The following ZNF785 variants were observed in gnomAD, a reference collection of about 807,000 sequenced individuals.
ZNF785 encodes the protein zinc finger protein 785.
A neutral mutation model predicts 11.3 loss-of-function variants in ZNF785; 15 were observed. The ratio of observed to expected loss-of-function variants is 1.32; its 90% CI spans 0.89 to 2.04. The LOEUF is 2.04. Ranked by LOEUF, ZNF785 falls within the 30% of genes most tolerant of loss-of-function variation. ZNF785 has a pLI of 0.00. For synonymous variants in ZNF785, 221 were observed against 231.0 expected (o/e 0.96, Z 0.39); for missense variants, 572 against 560.9 (o/e 1.02, Z -0.20).
In ZNF785 at chr16:30,583,030, G is replaced by C. The variant is rs574647656; in HGVS notation, c.748C>G (p.His250Asp). The change falls in exon 3 of 3, where the codon CAC becomes GAC. Residue 250 changes from histidine to aspartate, a missense_variant. By Grantham distance (81) the His-to-Asp change is moderately conservative (BLOSUM62 -1). Coordinates refer to ENST00000395216, the MANE Select transcript of ZNF785 (RefSeq NM_152458.7). ...CACGCGTAAGGCTTCTCCCCGGTGT[G>C]AGCCCGCCTGTGGATAGCCAGGGAA... ...RGSLAIHRRAHTGEKPYACSD... is the reference protein window; with the variant it reads ...RGSLAIHRRADTGEKPYACSD... 1 of 1,613,892 alleles carries C rather than the reference G, an allele frequency of 6.2e-7. No individual in the cohort carries two copies. The highest frequency in any genetic ancestry group is 1.3e-5 in the African/African-American group (1 of 74,874).
In ZNF785 at chr16:30,585,619, C is replaced by T. The variant is rs764331057; in HGVS notation, c.-8G>A. ...CGCCAGGGGCGGCCCCATGGGAAAC[C>T]CTTTCTGCCTGGCAAAGGGAGGCTT... On this transcript the variant is annotated 5_prime_UTR_variant, in exon 1 of 3. Coordinates refer to ENST00000395216, the MANE Select transcript of ZNF785 (RefSeq NM_152458.7). This position sits in a 1 kb window ranked among gnomAD's most constrained non-coding sequence, Gnocchi z 4.0. The T allele has an allele frequency of 2.7e-6, 4 of 1,467,916 alleles. No homozygotes were observed. The highest frequency in any genetic ancestry group is 2.7e-5 in the Admixed American group (1 of 37,098). The allele number at this position is 1,467,916 out of a possible 1,614,324, so 90.9% of individuals were successfully genotyped here.
Position 30,585,608 on chromosome 16 carries a change from C to G in ZNF785, c.4G>C (p.Gly2Arg). 1.3e-6 allele frequency: 2 copies of G among 1,484,424 alleles called. No individual in the cohort carries two copies. The highest frequency in any genetic ancestry group is 1.8e-6 in the Non-Finnish European group (2 of 1,125,458). 92.0% of individuals were successfully genotyped at this position (1,484,424 alleles called of 1,614,324 possible). M[G>R]PPLAPRPAHV... ...GCCGGGCGCGGCGCCAGGGGCGGCCCCATGGGAAACCCTTTCTGCCTGGCA... is the reference window on the plus strand; with the variant it reads ...GCCGGGCGCGGCGCCAGGGGCGGCCGCATGGGAAACCCTTTCTGCCTGGCA... Residue 2 changes from glycine (G) to arginine (R), a missense_variant, in exon 1 of 3, where the codon GGG becomes CGG. Physicochemically the swap from Gly to Arg is moderately radical, Grantham distance 125. Coordinates refer to ENST00000395216, the MANE Select transcript of ZNF785 (RefSeq NM_152458.7). This position sits in a 1 kb window ranked among gnomAD's most constrained non-coding sequence, Gnocchi z 4.0.
rs780661410 is a variant in ZNF785 at position 30,583,111 on chromosome 16, T to C, written c.667A>G (p.Thr223Ala). The C allele has an allele frequency of 6.2e-6, 10 of 1,613,814 alleles. No homozygotes were observed. In the Admixed American group the frequency reaches 8.3e-5, roughly 13 times the overall value. The change falls in exon 3 of 3, where the codon ACC becomes GCC. Residue 223 changes from threonine to alanine, a missense_variant. Transcript: ENST00000395216. Reference sequence around the variant, plus strand: ...GGGCAGGGGTAGGGCTTCTCGCCGGTGTGGATGAACTGATGCTGGAGCAGG... The same window carrying C: ...GGGCAGGGGTAGGGCTTCTCGCCGGCGTGGATGAACTGATGCTGGAGCAGG... The part of the protein sequence containing the change: ...RYLLQHQFIH[T>A]GEKPYPCPDC...
Position 30,582,688 on chromosome 16 carries a change from A to G in ZNF785, c.1090T>C (p.Ser364Pro). The change falls in exon 3 of 3, where the codon TCC (serine) becomes CCC (proline). Residue 364 changes from serine (S) to proline (P), a missense_variant. Physicochemically the swap from Ser to Pro is moderately conservative, Grantham distance 74 (BLOSUM62 -1). Transcript: ENST00000395216. ...TGCCACGCGCGCCTCTCGCTGCAGG[A>G]GCGGTGGATCCACCGATGGGCTTCC... is the stretch of plus-strand genomic sequence containing the variant. ...ALEAHRWIHR[S>P]CSERRAWQQA... 6.2e-7 allele frequency: 1 copy of G among 1,614,034 alleles called. No individual in the cohort carries two copies. Among genetic ancestry groups the G allele is most frequent in the Non-Finnish European group, 8.5e-7 (1 of 1,179,982 alleles).
At position 30,585,538 on chromosome 16, in the gene ZNF785, C is replaced by A; in HGVS notation, c.74G>T (p.Arg25Met). 6.3e-7 allele frequency: 1 copy of A among 1,578,288 alleles called. No homozygotes were observed. ...GTCCGCGAAGCTCACGGCGCCCGGC[C>A]TGCTTTCCCTCGTCCTCCGGGGCCC... Reference protein sequence around the residue: ...EAGPRRTRESRPGAVSFADVA... With the variant: ...EAGPRRTRESMPGAVSFADVA... Residue 25 changes from arginine (R) to methionine (M), a missense_variant, in exon 1 of 3, where the codon AGG (arginine) becomes ATG (methionine). Physicochemically the swap from Arg to Met is moderately conservative, Grantham distance 91. Coordinates refer to ENST00000395216, the MANE Select transcript of ZNF785 (RefSeq NM_152458.7). The surrounding 1 kb of genome is among the most constrained non-coding windows in gnomAD (Gnocchi z 4.0).
chr16:30,584,363 A>C (rs2051860912), intron 2 of ZNF785, among the ~76,000 whole-genome samples: 1 of 151,990 alleles, frequency 6.6e-6, no homozygotes, highest in African/African-American at 2.4e-5. Context: ...AAAAGTCTAC[A>C]CTTGCTGGTG....
In ZNF785 at chr16:30,585,214, A is replaced by G; in HGVS notation, c.242T>C (p.Val81Ala). 6.2e-7 allele frequency: 1 copy of G among 1,614,034 alleles called. No homozygotes were observed. The highest frequency in any genetic ancestry group is 8.5e-7 in the Non-Finnish European group (1 of 1,179,964). Reference protein sequence around the residue: ...SVPKPAFISWVEGEVEAWSPE... With the variant: ...SVPKPAFISWAEGEVEAWSPE... ...GCTCCACGCCTCCACTTCTCCTTCC[A>G]CCCACGAGATAAAAGCGGGTTTGGG... The change falls in exon 2 of 3, where the codon GTG becomes GCG. Residue 81 changes from valine (V) to alanine (A), a missense_variant. By Grantham distance (64) the Val-to-Ala change is moderately conservative. Coordinates refer to ENST00000395216, the MANE Select transcript of ZNF785 (RefSeq NM_152458.7). This position sits in a 1 kb window ranked among gnomAD's most constrained non-coding sequence, Gnocchi z 4.0.
downstream of ZNF785, chr16:30,578,711 A>T (rs1142125): frequency 6.6e-6 from 1 of 151,542 alleles, no homozygotes; most frequent in African/African-American, 2.4e-5. Flanking sequence ...CTTTTTTTTT[A>T]GTAGAGACAG....
rs1256596875 is a variant in ZNF785, at chr16:30,583,316, C to T, written c.462G>A (p.Arg154=). 3 of 1,613,898 alleles carry T rather than the reference C, an allele frequency of 1.9e-6. No individual in the cohort carries two copies. Among genetic ancestry groups the T allele is most frequent in the Admixed American group, 1.7e-5 (1 of 59,990 alleles). Residue 154 remains arginine (R), a synonymous_variant, in exon 3 of 3, where the codon AGG becomes AGA. Transcript: ENST00000395216. ...SVACPEFCNP[R]QSPMNPWLKD... is the part of the protein sequence containing the mutation. ...TGAGCCAGGGATTCATGGGGCTCTG[C>T]CTAGGGTTGCAGAACTCTGGGCAGG... is the stretch of plus-strand genomic sequence containing the variant.
At position 30,582,468 on chromosome 16, in the gene ZNF785, C is replaced by T; in HGVS notation, c.*92G>A. On this transcript the variant is annotated 3_prime_UTR_variant, in exon 3 of 3. Coordinates refer to ENST00000395216, the MANE Select transcript of ZNF785 (RefSeq NM_152458.7). Reference sequence around the variant, plus strand: ...TTACCTAAGGCAGAACTTTGTTTTCCTCAAACGCCCACTTCCTTTCCTTAT... The same window carrying T: ...TTACCTAAGGCAGAACTTTGTTTTCTTCAAACGCCCACTTCCTTTCCTTAT... 1 of 1,533,630 alleles carries T rather than the reference C, an allele frequency of 6.5e-7. No individual in the cohort carries two copies. Among genetic ancestry groups the T allele is most frequent in the South Asian group, 1.3e-5 (1 of 79,930 alleles).
rs1335569596 is a variant in ZNF785 at position 30,585,648 on chromosome 16, G to A, written c.-37C>T. 1 of 1,451,018 alleles carries A rather than the reference G, an allele frequency of 6.9e-7. No homozygotes were observed. Among genetic ancestry groups the A allele is most frequent in the South Asian group, 1.4e-5 (1 of 69,192 alleles). The allele number at this position is 1,451,018 out of a possible 1,614,324, so 89.9% of individuals were successfully genotyped here. On this transcript the variant is annotated 5_prime_UTR_variant, in exon 1 of 3. Transcript: ENST00000395216. The surrounding 1 kb of genome is among the most constrained non-coding windows in gnomAD (Gnocchi z 4.0). The stretch of plus-strand genomic sequence containing the variant: ...TCTGCCTGGCAAAGGGAGGCTTCCG[G>A]GGAAGGTGGAGATGCTGGCGCTTTC...
chr16:30,580,828 A>G lies in ZNF785; in HGVS notation c.*1732T>C, dbSNP rs2051799846. The G allele has an allele frequency of 6.6e-6, 1 of 152,028 alleles. No individual in the cohort carries two copies. Among genetic ancestry groups the G allele is most frequent in the Non-Finnish European group, 1.5e-5 (1 of 68,008 alleles). 9.4% of individuals were successfully genotyped at this position (152,028 alleles called of 1,614,324 possible). On this transcript the variant is annotated 3_prime_UTR_variant, in exon 3 of 3. Transcript: ENST00000395216. ...TCATAACTGTTGACATACAAGCATT[A>G]CAGTAAAAATTAGACTGGAAAGACT...
At position 30,583,431 on chromosome 16, in the gene ZNF785, CCAT is replaced by C; in HGVS notation, c.344_346del (p.Asp115del). The C allele has an allele frequency of 6.5e-7, 1 of 1,545,424 alleles. No homozygotes were observed. Among genetic ancestry groups the C allele is most frequent in the Non-Finnish European group, 8.7e-7 (1 of 1,145,066 alleles). On this transcript the variant is annotated inframe_deletion, in exon 3 of 3. Transcript: ENST00000395216. ...CTTCAGCCTTTCCTTCTCCTCATTCCCATCCCTGGATCCTGAAACAGGGAAGAT... is the reference window on the plus strand; with the variant it reads ...CTTCAGCCTTTCCTTCTCCTCATTCCCCCTGGATCCTGAAACAGGGAAGAT...
downstream of ZNF785, chr16:30,579,561 G>A (rs139818684): frequency 3.5e-5 from 10 of 282,198 alleles, no homozygotes; most frequent in East Asian, 8.9e-5. Flanking sequence ...CTAATTTTTT[G>A]GTAGAGATGG....
At position 30,582,732 on chromosome 16, in the gene ZNF785, A is replaced by G; in HGVS notation, c.1046T>C (p.Phe349Ser). Residue 349 changes from phenylalanine to serine, a missense_variant, in exon 3 of 3, where the codon TTC (phenylalanine) becomes TCC (serine). Transcript: ENST00000395216. ...GGCTTCCAGGGCGGTCTTGCGCTTG[A>G]AGCCTTTCCCACACTCCACGCAGGG... The part of the protein sequence containing the change: ...PFPCVECGKG[F>S]KRKTALEAHR... The G allele has an allele frequency of 6.2e-7, 1 of 1,611,938 alleles. No homozygotes were observed. The highest frequency in any genetic ancestry group is 2.2e-5 in the East Asian group (1 of 44,820).
Position 30,583,345 on chromosome 16 carries a change from C to A in ZNF785, c.433G>T (p.Val145Phe). ...GGGTTGCAGAACTCTGGGCAGGCGA[C>A]GCTGGGCCACCACTCCTTGACAGCC... ...EVAVKEWWPS[V>F]ACPEFCNPRQ... The change falls in exon 3 of 3, where the codon GTC becomes TTC. Residue 145 changes from valine to phenylalanine, a missense_variant. Physicochemically the swap from Val to Phe is conservative, Grantham distance 50 (BLOSUM62 -1). Coordinates refer to ENST00000395216, the MANE Select transcript of ZNF785 (RefSeq NM_152458.7). The A allele has an allele frequency of 1.2e-6, 2 of 1,613,702 alleles. No homozygotes were observed. The highest frequency in any genetic ancestry group is 8.5e-7 in the Non-Finnish European group (1 of 1,179,732).
In ZNF785 at chr16:30,582,409, T is replaced by A; in HGVS notation, c.*151A>T. The stretch of plus-strand genomic sequence containing the variant: ...GGCACCTTTTCAGATTCCTGCCTCC[T>A]CCCCACAGCCCTCTGTGCCCCTACC... On this transcript the variant is annotated 3_prime_UTR_variant, in exon 3 of 3. Coordinates refer to ENST00000395216, the MANE Select transcript of ZNF785 (RefSeq NM_152458.7). 2 of 1,149,924 alleles carry A rather than the reference T, an allele frequency of 1.7e-6. No homozygotes were observed. The highest frequency in any genetic ancestry group is 1.6e-5 in the South Asian group (1 of 61,406). The allele number at this position is 1,149,924 out of a possible 1,614,324, so 71.2% of individuals were successfully genotyped here.
downstream of ZNF785, chr16:30,579,445 T>C (rs1459962934): frequency 1.5e-5 from 3 of 194,330 alleles, no homozygotes; most frequent in African/African-American, 7.0e-5. Context: ...TGGAGTGCAA[T>C]GGAGCCATCT....
downstream of ZNF785, chr16:30,579,637 C>A (rs1056262674): frequency 1.9e-5 from 7 of 364,012 alleles, no homozygotes. Context: ...GCCTCAGCCT[C>A]CCACAGTGCT....
Sources: allele counts gnomAD v4.1 joint callset (sites outside exome capture counted in the v4.1 genomes callset), GRCh38; gene constraint gnomAD v4.1.1; non-coding constraint Gnocchi (gnomAD v3.1); transcripts MANE v1.5; gene names NCBI Gene and HGNC (gene_info 2026-07-23, HGNC 2026-07-21).